Variants in URB1 observed in about 807,000 individuals in gnomAD.
URB1 encodes the protein URB1 ribosome biogenesis factor.
URB1 carries 197 observed loss-of-function variants against 242.3 expected under a neutral mutation model. The ratio of observed to expected loss-of-function variants is 0.81; its 90% CI spans 0.72 to 0.91. URB1 has a LOEUF of 0.91. URB1 is among the 40% of genes least tolerant of loss of function. The pLI is 0.00. For missense variants in URB1, 2,721 were observed against 2,860.5 expected, an observed-to-expected ratio of 0.95 and a Z score of 1.11; for synonymous variants, 1,153 against 1,201.8, an observed-to-expected ratio of 0.96 and a Z score of 0.84.
intron 8 of URB1, 88 bp from the exon 9 acceptor site, chr21:32,368,686 T>G: frequency 8.7e-7 from 1 of 1,155,606 alleles, no homozygotes; most frequent in Non-Finnish European, 1.2e-6. Flanking sequence ...TCTGCAGAAT[T>G]GCCCTCAGTG....
At chr21:32,392,706 G>A (rs1419214289) in intron 1 of URB1, 63 bp downstream of exon 1, 5 of 1,359,860 alleles carry the variant, frequency 3.7e-6, no homozygotes, top group Non-Finnish European at 4.7e-6. Context: ...GGCTGTGCCC[G>A]GCACACGGAG....
chr21:32,349,265 G>A, intron 21 of URB1, 39 bp downstream of exon 21: 1 of 1,485,100 alleles, frequency 6.7e-7, no homozygotes, highest in Non-Finnish European at 9.0e-7. Context: ...CACTGCCCAT[G>A]ACTCTGAGAA....
intron 23 of URB1, 127 bp downstream of exon 23, chr21:32,345,247 T>A: frequency 9.6e-7 from 1 of 1,046,756 alleles, no homozygotes; most frequent in Non-Finnish European, 1.4e-6. Context: ...AGAGTTCTCA[T>A]AGGAACTGCC....
chr21:32,315,375 G>C (rs2032667067), intron 38 of URB1, among the ~76,000 whole-genome samples: 1 of 149,306 alleles, frequency 6.7e-6, no homozygotes, highest in African/African-American at 2.5e-5. Flanking sequence ...GTGCAGTAGT[G>C]TGATCTCAGC....
chr21:32,378,663 C>A, intron 4 of URB1, 122 bp from the exon 5 acceptor site: 1 of 781,454 alleles, frequency 1.3e-6, no homozygotes, highest in Non-Finnish European at 2.1e-6. Flanking sequence ...AGCCTTGTCC[C>A]CAGTCACCAG....
Position 32,372,563 on chromosome 21 carries a change from G to A in URB1, c.945C>T (p.Cys315=). 6.4e-7 allele frequency: 1 copy of A among 1,551,638 alleles called. No individual in the cohort carries two copies. Among genetic ancestry groups the A allele is most frequent in the South Asian group, 1.2e-5 (1 of 84,054 alleles). Residue 315 remains cysteine (C), a synonymous_variant, in exon 8 of 39, where the codon TGC becomes TGT. Coordinates refer to ENST00000382751, the MANE Select transcript of URB1 (RefSeq NM_014825.3). ...AATTAATTCCATGCTTGAGTGAACAGCAAAGATCCATCAGGAAGTTATGAA... is the reference window on the plus strand; with the variant it reads ...AATTAATTCCATGCTTGAGTGAACAACAAAGATCCATCAGGAAGTTATGAA... The part of the protein sequence containing the change: ...ELVHNFLMDL[C]CSLKHGINFY...
chr21:32,372,699 A>G (rs2123612176), intron 7 of URB1, 68 bp from the exon 8 acceptor site: 1 of 1,470,762 alleles, frequency 6.8e-7, no homozygotes, highest in African/African-American at 1.4e-5. Context: ...GCTAGAGTAA[A>G]AACAAGGACA....
In URB1 at chr21:32,334,308, A is replaced by C. The variant is rs766920027; in HGVS notation, c.4712T>G (p.Val1571Gly). ...GCTCCGGCACGTCTTGTGATGCTCCACGGCCGCTGGGCCCCACAGCAGCAC... is the reference window on the plus strand; with the variant it reads ...GCTCCGGCACGTCTTGTGATGCTCCCCGGCCGCTGGGCCCCACAGCAGCAC... ...FRVLLWGPAA[V>G]EHHKTCRSLG... is the part of the protein sequence containing the mutation. Residue 1571 changes from valine to glycine, a missense_variant, in exon 29 of 39, where the codon GTG (valine) becomes GGG (glycine). Transcript: ENST00000382751. 11 of 1,550,610 alleles carry C rather than the reference A, an allele frequency of 7.1e-6. No individual in the cohort carries two copies. In the South Asian group the frequency reaches 1.2e-4, roughly 17 times the overall value.
intron 16 of URB1, 68 bp downstream of exon 16, chr21:32,355,381 C>T (rs1861802596): frequency 2.8e-6 from 4 of 1,430,948 alleles, no homozygotes; most frequent in East Asian, 2.5e-5. Flanking sequence ...AAAAATGCCT[C>T]GATGACGCTA....
At chr21:32,388,123 A>ACATAC (rs2033602358) in intron 1 of URB1, among the ~76,000 whole-genome samples, 1 of 152,148 alleles carries the variant, frequency 6.6e-6, no homozygotes, top group South Asian at 2.1e-4. Flanking sequence ...TACACCAAAA[A>ACATAC]CATACCAGAA....
intron 34 of URB1, 85 bp downstream of exon 34, chr21:32,321,716 A>G: frequency 2.6e-6 from 4 of 1,521,660 alleles, no homozygotes; most frequent in Non-Finnish European, 3.5e-6. Context: ...TGGGAACTGA[A>G]TTCATACGGA....
Position 32,311,709 on chromosome 21 carries a change from T to C in URB1, c.*3209A>G. 3 of 1,613,982 alleles carry C rather than the reference T, an allele frequency of 1.9e-6. No individual in the cohort carries two copies. The highest frequency in any genetic ancestry group is 2.5e-6 in the Non-Finnish European group (3 of 1,179,964). ...GAACAGCCCCAAGCACCACCAAACATGCCCCTGGAGTCACGGCCTCAACCT... is the reference window on the plus strand; with the variant it reads ...GAACAGCCCCAAGCACCACCAAACACGCCCCTGGAGTCACGGCCTCAACCT... On this transcript the variant is annotated 3_prime_UTR_variant, in exon 39 of 39. Transcript: ENST00000382751.
chr21:32,380,967 A>G lies in URB1; in HGVS notation c.568-2426T>C, dbSNP rs142789478. On this transcript the variant is annotated intron_variant, in intron 4 of 38. Coordinates refer to ENST00000382751, the MANE Select transcript of URB1 (RefSeq NM_014825.3). ...GCAATGAATTTATAAATGAAAAGGGATTTAGTTATCACCTCCTGGCTTCCA... is the reference window on the plus strand; with the variant it reads ...GCAATGAATTTATAAATGAAAAGGGGTTTAGTTATCACCTCCTGGCTTCCA... Among the ~76,000 whole-genome samples the G allele has an allele frequency of 3.9e-5, 6 of 152,308 alleles. No individual in the cohort carries two copies. The East Asian group carries it at 1.2e-3, about 29-fold the overall frequency.
intron 35 of URB1, among the ~76,000 whole-genome samples, chr21:32,320,274 T>C (rs1031130179): frequency 6.6e-6 from 1 of 152,190 alleles, no homozygotes; most frequent in Non-Finnish European, 1.5e-5. Flanking sequence ...CTCTGCCAGA[T>C]GTGAACAGCA....
chr21:32,363,160 C>G lies in URB1; in HGVS notation c.1505G>C (p.Ser502Thr), dbSNP rs2033308028. 2 of 1,551,386 alleles carry G rather than the reference C, an allele frequency of 1.3e-6. No homozygotes were observed. Among genetic ancestry groups the G allele is most frequent in the Non-Finnish European group, 1.7e-6 (2 of 1,146,890 alleles). Residue 502 changes from serine (S) to threonine (T), a missense_variant, in exon 11 of 39, where the codon AGC becomes ACC. Ser to Thr is a moderately conservative substitution (Grantham distance 58). Coordinates refer to ENST00000382751, the MANE Select transcript of URB1 (RefSeq NM_014825.3). ...EFVQLFREAL[S>T]KILPDLNTVV... ...CAAACCCAGATCAGAGCCTACCTTG[C>G]TCAGGGCTTCTCTGAAGAGCTGCAC... is the stretch of plus-strand genomic sequence containing the variant.
At chr21:32,363,803 AG>A (rs1224614417) in intron 10 of URB1, among the ~76,000 whole-genome samples, 2 of 151,988 alleles carry the variant, frequency 1.3e-5, no homozygotes, top group African/African-American at 4.8e-5. Flanking sequence ...CCAGGACTAT[AG>A]GCACCTACTG....
rs866912200 is a variant in URB1 at position 32,378,486 on chromosome 21, G to A, written c.623C>T (p.Ala208Val). ...CTGCACTATAGTGCTGTCATCACCC[G>A]CAATTAAAAAGGAGAGAGCAAACTG... ...YVQFALSFLI[A>V]GDDSTIVQVL... The change falls in exon 5 of 39, where the codon GCG becomes GTG. Residue 208 changes from alanine to valine, a missense_variant. Transcript: ENST00000382751. 14 of 1,551,494 alleles carry A rather than the reference G, an allele frequency of 9.0e-6. No homozygotes were observed. In the Admixed American group the frequency reaches 1.6e-4, roughly 17 times the overall value.
chr21:32,336,177 T>G (rs576592157), intron 28 of URB1, among the ~76,000 whole-genome samples: 1 of 152,294 alleles, frequency 6.6e-6, no homozygotes, highest in South Asian at 2.1e-4. Context: ...GCCCTGGGCA[T>G]TCTTAAGAGA....
rs1370275927 is a variant in URB1 at position 32,322,549 on chromosome 21, G to A, written c.5269C>T (p.Leu1757=). The A allele has an allele frequency of 7.7e-6, 12 of 1,552,104 alleles. No homozygotes were observed. The highest frequency in any genetic ancestry group is 1.4e-5 in the African/African-American group (1 of 73,192). ...HMYLKVSNFL[L]SHEYLNMDKV... Reference sequence around the variant, plus strand: ...TCCATGTTCAAGTACTCATGCGACAGCAGGAAGTTGCTGACCTTCAGGTAC... The same window carrying A: ...TCCATGTTCAAGTACTCATGCGACAACAGGAAGTTGCTGACCTTCAGGTAC... Residue 1757 remains leucine, a synonymous_variant, in exon 33 of 39, where the codon CTG becomes TTG. Transcript: ENST00000382751.
Sources: allele counts gnomAD v4.1 joint callset (sites outside exome capture counted in the v4.1 genomes callset), GRCh38; gene constraint gnomAD v4.1.1; transcripts MANE v1.5; gene names NCBI Gene and HGNC (gene_info 2026-07-23, HGNC 2026-07-21).